The following ANK3 variants were observed in gnomAD, a reference collection of about 807,000 sequenced individuals.
The protein encoded by ANK3 is ankyrin 3.
In ANK3, 57 loss-of-function variants were observed where a neutral mutation model predicts 370.9. The observed-to-expected ratio is 0.15, with a 90% confidence interval of 0.12 to 0.19. The LOEUF (loss-of-function observed/expected upper bound fraction) is 0.19, where lower values mean the gene tolerates loss of function less well. Ranked by LOEUF, ANK3 falls within the 10% of genes least tolerant of loss-of-function variation. ANK3 has a pLI of 1.00. For missense variants in ANK3, 4,439 were observed against 5,302.1 expected (o/e 0.84, Z 5.06); for synonymous variants, 1,929 against 1,946.3 (o/e 0.99, Z 0.23).
intron 1 of ANK3, among the ~76,000 whole-genome samples, chr10:60,314,723 A>G (rs949511721): frequency 3.3e-5 from 5 of 152,200 alleles, no homozygotes; most frequent in African/African-American, 1.2e-4. Context: ...TTCGAGGAGG[A>G]CAGCACACAC....
intron 23 of ANK3, among the ~76,000 whole-genome samples, chr10:60,149,070 C>T (rs541950868): frequency 6.6e-6 from 1 of 152,322 alleles, no homozygotes; most frequent in East Asian, 1.9e-4. Context: ...TTCCCTTACA[C>T]CCAAATTGCC....
At position 60,198,383 on chromosome 10, in the gene ANK3, G is replaced by T. The variant is rs967088925; in HGVS notation, c.1646C>A (p.Ala549Glu). ...SAREGHEDVA[A>E]FLLDHGASLS... ...AGACGCTCCATGATCCAAAAGGAAC[G>T]CGGCCACATCCTCATGCCCCTCTCG... The change falls in exon 14 of 44, where the codon GCG (alanine) becomes GAG (glutamate). Residue 549 changes from alanine to glutamate, a missense_variant. Physicochemically the swap from Ala to Glu is moderately radical, Grantham distance 107. This residue lies in a region of ANK3 where 192 missense variants were observed against 192.1 expected (regional missense o/e 1.00). Transcript: ENST00000280772. 1.2e-6 allele frequency: 2 copies of T among 1,614,198 alleles called. No individual in the cohort carries two copies. Among genetic ancestry groups the T allele is most frequent in the South Asian group, 2.2e-5 (2 of 91,080 alleles).
At chr10:60,483,936 T>C (rs1232331635) in intron 2 of ANK3, among the ~76,000 whole-genome samples, 1 of 152,172 alleles carries the variant, frequency 6.6e-6, no homozygotes, top group Non-Finnish European at 1.5e-5. Context: ...ATAAGCAAAG[T>C]GACTAGTTGA....
chr10:60,055,002 C>T (rs2078876634), intron 42 of ANK3, among the ~76,000 whole-genome samples: 1 of 151,836 alleles, frequency 6.6e-6, no homozygotes, highest in Admixed American at 6.6e-5. Context: ...CACAAAAGTA[C>T]AAAGAACAAG....
chr10:60,656,247 T>C (rs1419904833), intron 1 of ANK3, among the ~76,000 whole-genome samples: 8 of 148,230 alleles, frequency 5.4e-5, no homozygotes, highest in African/African-American at 2.0e-4. Flanking sequence ...TTTGTGTGGT[T>C]CAAAGCATTA....
rs568110359 is a variant in ANK3, at chr10:60,240,310, T to A, written c.799-5524A>T. Among the ~76,000 whole-genome samples, 329 of 119,700 alleles carry A rather than the reference T, an allele frequency of 2.7e-3. 4 individuals carry two copies. The highest frequency in any genetic ancestry group is 7.5e-3 in the African/African-American group (279 of 37,358). The allele number at this position is 119,700 out of a possible 152,430, so 78.5% of individuals were successfully genotyped here. A position where few individuals can be genotyped will look rare whatever the true frequency, so the allele number is the denominator to read the frequency against. On this transcript the variant is annotated intron_variant, in intron 7 of 43. Coordinates refer to ENST00000280772, the MANE Select transcript of ANK3 (RefSeq NM_020987.5). ...TATATATATATATATATATATATTTTTTTTTCTTTTTGAGATAGAGTTTCG... is the reference window on the plus strand; with the variant it reads ...TATATATATATATATATATATATTTATTTTTCTTTTTGAGATAGAGTTTCG...
chr10:60,132,464 C>A (rs1489434465), intron 25 of ANK3, among the ~76,000 whole-genome samples: 4 of 148,442 alleles, frequency 2.7e-5, no homozygotes, highest in Non-Finnish European at 5.9e-5. Context: ...TGCCTGCCAC[C>A]ATGTAAGATG....
At chr10:60,093,487 C>T (rs1332257381) in intron 28 of ANK3, among the ~76,000 whole-genome samples, 1 of 152,090 alleles carries the variant, frequency 6.6e-6, no homozygotes, top group African/African-American at 2.4e-5. Context: ...CAGTCTAGAC[C>T]CACCAGAGGA....
intron 2 of ANK3, among the ~76,000 whole-genome samples, chr10:60,513,089 A>G (rs563639667): frequency 6.6e-6 from 1 of 152,240 alleles, no homozygotes; most frequent in Admixed American, 6.5e-5. Context: ...TCATACCTTT[A>G]TTAGTGTTTT....
chr10:60,047,127 C>A (rs2131882123), intron 42 of ANK3, among the ~76,000 whole-genome samples: 1 of 152,194 alleles, frequency 6.6e-6, no homozygotes, highest in East Asian at 1.9e-4. Context: ...TTTTAAAGTT[C>A]TTGAAAACAC....
At chr10:60,667,141 G>GT (rs1250030923) in intron 1 of ANK3, among the ~76,000 whole-genome samples, 3 of 148,496 alleles carry the variant, frequency 2.0e-5, no homozygotes, top group Admixed American at 1.4e-4. Flanking sequence ...TTTCTTCTTA[G>GT]TTTTTTTCCT....
At chr10:60,051,785 A>ATGTG (rs5785428) in intron 42 of ANK3, among the ~76,000 whole-genome samples, 10,470 of 148,198 alleles carry the variant, frequency 0.071, 427 homozygotes, top group South Asian at 0.14. Context: ...TACTCTGTGC[A>ATGTG]TGTGTGTGTG....
At chr10:60,467,977 A>G (rs1420458476) in intron 2 of ANK3, among the ~76,000 whole-genome samples, 1 of 135,798 alleles carries the variant, frequency 7.4e-6, no homozygotes, top group African/African-American at 2.7e-5. Flanking sequence ...GAAAAAACAT[A>G]TAAAAACTTT....
At chr10:60,045,267 G>A (rs1189213960) in intron 42 of ANK3, among the ~76,000 whole-genome samples, 1 of 152,010 alleles carries the variant, frequency 6.6e-6, no homozygotes, top group Non-Finnish European at 1.5e-5. Flanking sequence ...GTTAGAATCT[G>A]GCTTTCTGAT....
At chr10:60,225,917 G>T (rs995200314) in intron 8 of ANK3, among the ~76,000 whole-genome samples, 1 of 149,974 alleles carries the variant, frequency 6.7e-6, no homozygotes, top group Non-Finnish European at 1.5e-5. Context: ...AATTTTTTTT[G>T]GGGGGATAGT....
At chr10:60,064,761 G>C (rs1235711246) in intron 38 of ANK3, among the ~76,000 whole-genome samples, 1 of 152,162 alleles carries the variant, frequency 6.6e-6, no homozygotes, top group Non-Finnish European at 1.5e-5. Context: ...AGCTACTCAG[G>C]AGGCTGAGTT....
Position 60,305,907 on chromosome 10 carries a change from C to G in ANK3, c.115-26268G>C, listed in dbSNP as rs139220712. 2.8e-3 allele frequency among the ~76,000 whole-genome samples: 427 copies of G among 152,202 alleles called. 6 individuals are homozygous for G. The highest frequency in any genetic ancestry group is 0.02 in the Admixed American group (299 of 15,286). ...GGACTGAAAGTGCCGCTTTCACAGT[C>G]GGATATGGCGTTAACATTTTCCATC... On this transcript the variant is annotated intron_variant, in intron 1 of 43. Coordinates refer to ENST00000280772, the MANE Select transcript of ANK3 (RefSeq NM_020987.5).
intron 4 of ANK3, among the ~76,000 whole-genome samples, chr10:60,274,034 C>A (rs545256880): frequency 6.6e-6 from 1 of 152,102 alleles, no homozygotes; most frequent in Admixed American, 6.6e-5. Flanking sequence ...GGTGTGTAGT[C>A]GTGTGATTAT....
chr10:60,674,719 T>C (rs1475100288), intron 1 of ANK3, among the ~76,000 whole-genome samples: 2 of 152,230 alleles, frequency 1.3e-5, no homozygotes, highest in East Asian at 3.8e-4. Context: ...GTATCTTATG[T>C]CCCTTTGCAG....
Sources: allele counts gnomAD v4.1 joint callset (sites outside exome capture counted in the v4.1 genomes callset), GRCh38; gene constraint gnomAD v4.1.1; regional missense constraint gnomAD v4.1.1; transcripts MANE v1.5; gene names NCBI Gene and HGNC (gene_info 2026-07-23, HGNC 2026-07-21).